PVALEF: variants seen among roughly 807,000 people sequenced by gnomAD.
PVALEF encodes parvalbumin-like EF-hand-containing protein.
Under a neutral mutation model 1.2 loss-of-function variants are expected in PVALEF, and 2 were observed. The observed-to-expected ratio is 1.68, with a 90% confidence interval of 0.69 to 5.28. PVALEF has a LOEUF of 5.28. PVALEF is among the 30% of genes most tolerant of loss of function. The probability of loss-of-function intolerance (pLI) is 0.06; values close to 1 mark genes in which losing one functional copy is unlikely to be tolerated. For missense variants in PVALEF, 35 were observed against 17.7 expected (o/e 1.97, Z -1.75); for synonymous variants, 16 against 6.5 (o/e 2.47, Z -2.24).
intron 3 of PVALEF, 122 bp from the exon 4 acceptor site, chr17:81,181,001 C>A (rs2146451225): frequency 2.0e-6 from 1 of 508,736 alleles, no homozygotes; most frequent in Admixed American, 3.7e-5. Flanking sequence ...ATGGCCCGGC[C>A]CCTCCCGCTG....
In PVALEF at chr17:81,181,712, C is replaced by G. The variant is rs74459181; in HGVS notation, c.242+18C>G. Reference sequence around the variant, plus strand: ...GAGATCAAGTAATGGCTGGCGGCCACGGAGGGGTGGGGCCCAGGCCACCCA... The same window carrying G: ...GAGATCAAGTAATGGCTGGCGGCCAGGGAGGGGTGGGGCCCAGGCCACCCA... On this transcript the variant is annotated intron_variant, in intron 5 of 6. Coordinates refer to ENST00000637878, the MANE Select transcript of PVALEF (RefSeq NM_001354639.2). 32,925 of 399,776 alleles carry G rather than the reference C, an allele frequency of 0.082. 1,919 individuals are homozygous for G. The highest frequency in any genetic ancestry group is 0.2 in the East Asian group (5,676 of 28,060). 24.8% of individuals were successfully genotyped at this position (399,776 alleles called of 1,614,324 possible).
intron 2 of PVALEF, among the ~76,000 whole-genome samples, chr17:81,168,006 G>A (rs536709886): frequency 6.6e-6 from 1 of 152,162 alleles, no homozygotes; most frequent in Admixed American, 6.5e-5. Flanking sequence ...GAGGGACAGA[G>A]GGTATGGCAT....
chr17:81,165,611 A>C lies in PVALEF; in HGVS notation c.-644A>C. ...GCTGGCTGACACCCCCCACACCCCC[A>C]AGGGCCCTTAGTCTGAGACCAACTC... On this transcript the variant is annotated 5_prime_UTR_variant, in exon 1 of 7. Transcript: ENST00000637878. 13 of 1,407,320 alleles carry C rather than the reference A, an allele frequency of 9.2e-6. No individual in the cohort carries two copies. Among genetic ancestry groups the C allele is most frequent in the South Asian group, 1.2e-5 (1 of 81,668 alleles). 87.2% of individuals were successfully genotyped at this position (1,407,320 alleles called of 1,614,324 possible).
chr17:81,165,795 AG>A, intron 1 of PVALEF, 48 bp downstream of exon 1: 3 of 1,502,014 alleles, frequency 2.0e-6, no homozygotes, highest in Non-Finnish European at 2.7e-6. Context: ...TGGGGCCGCC[AG>A]GGGGTCCGGC....
At chr17:81,172,271 C>G (rs74002083) in intron 2 of PVALEF, among the ~76,000 whole-genome samples, 21,486 of 152,142 alleles carry the variant, frequency 0.14, 2,366 homozygotes, top group African/African-American at 0.3. Context: ...CCGGGACAAC[C>G]CCACACAGTG....
At chr17:81,170,746 C>A (rs2061517912) in intron 2 of PVALEF, among the ~76,000 whole-genome samples, 1 of 152,192 alleles carries the variant, frequency 6.6e-6, no homozygotes, top group African/African-American at 2.4e-5. Flanking sequence ...GTAGGCACTG[C>A]AGAGCCCCAA....
At chr17:81,173,532 A>G (rs893245567) in intron 2 of PVALEF, among the ~76,000 whole-genome samples, 1 of 152,212 alleles carries the variant, frequency 6.6e-6, no homozygotes, top group African/African-American at 2.4e-5. Context: ...AGCCAGGCCT[A>G]TATCATATCT....
rs1261160484 is a variant in PVALEF, at chr17:81,181,283, C to T, written c.57C>T (p.Ser19=). ...MKKMALAMGT[S]LSDKDIELLP... ...AGATGGCCTTGGCCATGGGCACGTCCCTATCAGACAAGGACATTGAGCTGC... is the reference window on the plus strand; with the variant it reads ...AGATGGCCTTGGCCATGGGCACGTCTCTATCAGACAAGGACATTGAGCTGC... The change falls in exon 4 of 7, where the codon TCC becomes TCT. Residue 19 remains serine (S), a synonymous_variant. Coordinates refer to ENST00000637878, the MANE Select transcript of PVALEF (RefSeq NM_001354639.2). The T allele has an allele frequency of 4.3e-6, 3 of 701,046 alleles. No individual in the cohort carries two copies. The highest frequency in any genetic ancestry group is 7.8e-6 in the Non-Finnish European group (3 of 383,998). 43.4% of individuals were successfully genotyped at this position (701,046 alleles called of 1,614,324 possible). A position where few individuals can be genotyped will look rare whatever the true frequency, so the allele number is the denominator to read the frequency against.
At chr17:81,179,635 CT>C (rs1567837951) in intron 3 of PVALEF, among the ~76,000 whole-genome samples, 2 of 152,192 alleles carry the variant, frequency 1.3e-5, no homozygotes, top group African/African-American at 4.8e-5. Context: ...CACTCTGCCC[CT>C]GACCCAGAGG....
chr17:81,182,821 C>T, intron 6 of PVALEF, 144 bp from the exon 7 acceptor site: 1 of 394,522 alleles, frequency 2.5e-6, no homozygotes, highest in Non-Finnish European at 4.5e-6. Flanking sequence ...GAGGCCTGGT[C>T]CCTGCTCAAG....
intron 6 of PVALEF, among the ~76,000 whole-genome samples, 168 bp from the exon 7 acceptor site, chr17:81,182,797 G>C (rs944346947): frequency 6.6e-6 from 1 of 152,234 alleles, no homozygotes; most frequent in Non-Finnish European, 1.5e-5. Context: ...GGCCGCCCCC[G>C]GCCAGATGGG....
chr17:81,168,211 G>T (rs1438776208), intron 2 of PVALEF, among the ~76,000 whole-genome samples: 3 of 152,246 alleles, frequency 2.0e-5, no homozygotes, highest in Admixed American at 1.3e-4. Flanking sequence ...CATGCCCTCA[G>T]TGTCCCTGCC....
chr17:81,166,043 G>T, intron 1 of PVALEF: 2 of 1,385,620 alleles, frequency 1.4e-6, no homozygotes, highest in Non-Finnish European at 1.9e-6. Context: ...CGCTCAGGAC[G>T]CCCGCGGCCC....
At chr17:81,172,807 G>A (rs2061525111) in intron 2 of PVALEF, among the ~76,000 whole-genome samples, 1 of 152,036 alleles carries the variant, frequency 6.6e-6, no homozygotes, top group East Asian at 1.9e-4. Flanking sequence ...ACCGTCCTCA[G>A]CTCCCAGGCA....
intron 3 of PVALEF, among the ~76,000 whole-genome samples, chr17:81,180,424 G>C (rs964257830): frequency 6.6e-6 from 1 of 152,014 alleles, no homozygotes; most frequent in Non-Finnish European, 1.5e-5. Flanking sequence ...TGTCCTGAGG[G>C]CCTCCGAGGC....
chr17:81,169,960 GTGT>G (rs1208159203), intron 2 of PVALEF, among the ~76,000 whole-genome samples: 1 of 150,444 alleles, frequency 6.6e-6, no homozygotes, highest in East Asian at 2.0e-4. Context: ...ACGTGTGTCG[GTGT>G]TGGTATGTGT....
intron 2 of PVALEF, among the ~76,000 whole-genome samples, chr17:81,174,177 T>C (rs557020214): frequency 1.3e-5 from 2 of 152,298 alleles, no homozygotes; most frequent in African/African-American, 4.8e-5. Flanking sequence ...CATGAAAAGC[T>C]CACAGCAAAC....
At chr17:81,173,145 C>T (rs879197091) in intron 2 of PVALEF, among the ~76,000 whole-genome samples, 4 of 152,120 alleles carry the variant, frequency 2.6e-5, no homozygotes, top group East Asian at 3.9e-4. Flanking sequence ...TGAGAGATGC[C>T]GGCGAGGGGA....
At position 81,181,687 on chromosome 17, in the gene PVALEF, G is replaced by A. The variant is rs948206403; in HGVS notation, c.235G>A (p.Glu79Lys). 5 of 401,738 alleles carry A rather than the reference G, an allele frequency of 1.2e-5. No individual in the cohort carries two copies. Among genetic ancestry groups the A allele is most frequent in the Middle Eastern group, 6.2e-4 (1 of 1,622 alleles). 24.9% of individuals were successfully genotyped at this position (401,738 alleles called of 1,614,324 possible). A position where few individuals can be genotyped will look rare whatever the true frequency, so the allele number is the denominator to read the frequency against. ...KDKSGFIEWN[E>K]IKYILSIIPS... ...CAAGAGTGGCTTCATTGAGTGGAACGAGATCAAGTAATGGCTGGCGGCCAC... is the reference window on the plus strand; with the variant it reads ...CAAGAGTGGCTTCATTGAGTGGAACAAGATCAAGTAATGGCTGGCGGCCAC... The change falls in exon 5 of 7, where the codon GAG becomes AAG. Residue 79 changes from glutamate to lysine, a missense_variant. Coordinates refer to ENST00000637878, the MANE Select transcript of PVALEF (RefSeq NM_001354639.2).
Sources: gnomAD v4.1 joint callset for allele counts (sites outside exome capture counted in the v4.1 genomes callset) on GRCh38, gnomAD v4.1.1 for gene constraint, MANE v1.5 for transcripts, NCBI Gene and HGNC (gene_info 2026-07-23, HGNC 2026-07-21) for gene names.